ANTXRL: variants seen among roughly 807,000 people sequenced by gnomAD.
The protein encoded by ANTXRL is anthrax toxin receptor-like.
In ANTXRL, 63 loss-of-function variants were observed where a neutral mutation model predicts 75.4. That is an observed-to-expected ratio of 0.84 (90% CI 0.68 to 1.03). ANTXRL has a LOEUF of 1.03. Among genes scored for constraint, ANTXRL ranks in the 50% least tolerant of loss-of-function variants. The pLI is 0.00. For synonymous variants in ANTXRL, 335 were observed against 291.3 expected, an observed-to-expected ratio of 1.15 and a Z score of -1.53; for missense variants, 797 against 789.4, an observed-to-expected ratio of 1.01 and a Z score of -0.12.
At chr10:46,317,155 T>C (rs1310455799) in intron 16 of ANTXRL, among the ~76,000 whole-genome samples, 1 of 152,156 alleles carries the variant, frequency 6.6e-6, no homozygotes, top group African/African-American at 2.4e-5. Context: ...ATTAGAAGCA[T>C]TTTGGTTTTT....
chr10:46,324,060 C>A (rs1839100146), intron 16 of ANTXRL, among the ~76,000 whole-genome samples: 3 of 152,150 alleles, frequency 2.0e-5, no homozygotes, highest in South Asian at 4.1e-4. Flanking sequence ...TGAAATATTT[C>A]TCTTGAAAAT....
chr10:46,293,271 CGTGTGTGAGAGTGTGTG>C (rs1837096270), intron 2 of ANTXRL, among the ~76,000 whole-genome samples: 3 of 132,772 alleles, frequency 2.3e-5, no homozygotes, highest in South Asian at 2.4e-4. Flanking sequence ...TATACCTGTG[CGTGTGTGAGAGTGTGTG>C]CGTGTGTGCC....
At chr10:46,300,987 A>AC (rs201009735) in intron 9 of ANTXRL, among the ~76,000 whole-genome samples, 9 of 142,174 alleles carry the variant, frequency 6.3e-5, no homozygotes, top group South Asian at 2.2e-4. Context: ...TATCTCTCCC[A>AC]CCCCCCCTCT....
intron 11 of ANTXRL, 36 bp downstream of exon 11, chr10:46,306,908 A>G (rs1838126471): frequency 2.7e-6 from 4 of 1,489,318 alleles, no homozygotes; most frequent in East Asian, 2.5e-5. Flanking sequence ...AGGGCAAGAG[A>G]CCAGGGAGTC....
chr10:46,294,171 C>T (rs1449327543), intron 3 of ANTXRL: 2 of 499,072 alleles, frequency 4.0e-6, no homozygotes, highest in Non-Finnish European at 7.2e-6. Flanking sequence ...CGCTCTGCCT[C>T]CTTCCCTGAA....
At chr10:46,289,601 CCT>C (rs1836899674) in intron 1 of ANTXRL, among the ~76,000 whole-genome samples, 1 of 151,314 alleles carries the variant, frequency 6.6e-6, no homozygotes, top group Non-Finnish European at 1.5e-5. Flanking sequence ...GTGATGTGTG[CCT>C]CCACTCCCAG....
At chr10:46,307,347 C>T in intron 11 of ANTXRL, 55 bp from the exon 12 acceptor site, 1 of 1,288,972 alleles carries the variant, frequency 7.8e-7, no homozygotes, top group Non-Finnish European at 1.1e-6. Flanking sequence ...TGTCCAAGGG[C>T]AAGAACTGCA....
chr10:46,292,699 C>G (rs533318094), intron 2 of ANTXRL: 1 of 158,254 alleles, frequency 6.3e-6, no homozygotes, highest in African/African-American at 2.4e-5. Context: ...TATGCCAGGC[C>G]AAGGAGCTGG....
Position 46,295,463 on chromosome 10 carries a change from GGTTAGAGTTAGA to G in ANTXRL, c.393-520_393-509del, listed in dbSNP as rs74312662. Among the ~76,000 whole-genome samples, 28 of 90,438 alleles carry G rather than the reference GGTTAGAGTTAGA, an allele frequency of 3.1e-4. 1 individual carries two copies. The highest frequency in any genetic ancestry group is 1.3e-3 in the East Asian group (4 of 3,186). 59.3% of individuals were successfully genotyped at this position (90,438 alleles called of 152,430 possible). On this transcript the variant is annotated intron_variant, in intron 3 of 16. Coordinates refer to ENST00000620264, the MANE Select transcript of ANTXRL (RefSeq NM_001278688.3). ...GGTTCAGGGTTAAGGTTAGGGTTTGGGTTAGAGTTAGAGTTAGAGTTAGAGTTAGAGTTAGAG... is the reference window on the plus strand; with the variant it reads ...GGTTCAGGGTTAAGGTTAGGGTTTGGGTTAGAGTTAGAGTTAGAGTTAGAG...
intron 16 of ANTXRL, among the ~76,000 whole-genome samples, chr10:46,327,807 C>G (rs1839298659): frequency 6.6e-6 from 1 of 152,136 alleles, no homozygotes; most frequent in Non-Finnish European, 1.5e-5. Context: ...CAGGAGACCC[C>G]TGGGATTCCA....
intron 10 of ANTXRL, among the ~76,000 whole-genome samples, chr10:46,305,242 G>A (rs1838003828): frequency 6.6e-6 from 1 of 152,226 alleles, no homozygotes; most frequent in Middle Eastern, 3.4e-3. Context: ...TCCTGCATCA[G>A]TCCCTGTAGG....
intron 16 of ANTXRL, among the ~76,000 whole-genome samples, chr10:46,319,594 G>A (rs997126568): frequency 6.6e-6 from 1 of 152,136 alleles, no homozygotes; most frequent in African/African-American, 2.4e-5. Flanking sequence ...CATAGTCTTT[G>A]TTCAGGGTGT....
chr10:46,327,981 C>T (rs549243854), intron 16 of ANTXRL, among the ~76,000 whole-genome samples: 7 of 152,274 alleles, frequency 4.6e-5, no homozygotes, highest in Admixed American at 3.3e-4. Flanking sequence ...TGCCCACTGG[C>T]ATCCTGGGAT....
chr10:46,295,143 CA>C (rs1837288531), intron 3 of ANTXRL, among the ~76,000 whole-genome samples: 1 of 152,124 alleles, frequency 6.6e-6, no homozygotes, highest in Non-Finnish European at 1.5e-5. Flanking sequence ...CTTTTTGTTT[CA>C]GGGGCACAGA....
chr10:46,327,209 T>C (rs1204407872), intron 16 of ANTXRL, among the ~76,000 whole-genome samples: 1 of 152,056 alleles, frequency 6.6e-6, no homozygotes, highest in Admixed American at 6.5e-5. Context: ...TGTGATTGCC[T>C]GAAGGCAGGG....
At chr10:46,315,769 A>G (rs1197750765) in intron 16 of ANTXRL, among the ~76,000 whole-genome samples, 2 of 152,196 alleles carry the variant, frequency 1.3e-5, no homozygotes, top group Non-Finnish European at 2.9e-5. Flanking sequence ...TTGTTTCAGC[A>G]AATCCAAACA....
chr10:46,303,030 C>T (rs1351150299), intron 10 of ANTXRL, among the ~76,000 whole-genome samples: 1 of 152,130 alleles, frequency 6.6e-6, no homozygotes, highest in Non-Finnish European at 1.5e-5. Flanking sequence ...TCCATCTGTG[C>T]CTCAAGAGCA....
At chr10:46,293,664 T>C (rs1837192768) in intron 2 of ANTXRL, among the ~76,000 whole-genome samples, 165 bp from the exon 3 acceptor site, 1 of 151,964 alleles carries the variant, frequency 6.6e-6, no homozygotes, top group South Asian at 2.1e-4. Flanking sequence ...GGAGCCCTTG[T>C]CTCCACAGGC....
intron 2 of ANTXRL, among the ~76,000 whole-genome samples, chr10:46,293,289 C>CCT (rs1837104855): frequency 2.3e-5 from 1 of 43,780 alleles, no homozygotes; most frequent in African/African-American, 6.8e-5. Flanking sequence ...AGAGTGTGTG[C>CCT]GTGTGTGCCT....
Sources: allele counts gnomAD v4.1 joint callset (sites outside exome capture counted in the v4.1 genomes callset), GRCh38; gene constraint gnomAD v4.1.1; transcripts MANE v1.5; gene names NCBI Gene and HGNC (gene_info 2026-07-23, HGNC 2026-07-21).